Variants in MCTP2 observed in about 807,000 individuals in gnomAD.
MCTP2 encodes the protein multiple C2 and transmembrane domain-containing protein 2.
A neutral mutation model predicts 111.6 loss-of-function variants in MCTP2; 132 were observed. The observed-to-expected ratio is 1.18, with a 90% CI of 1.03 to 1.37. The LOEUF (loss-of-function observed/expected upper bound fraction) is 1.37, where lower values mean the gene tolerates loss of function less well. Ranked by LOEUF, MCTP2 falls within the 40% of genes most tolerant of loss-of-function variation. The probability of loss-of-function intolerance (pLI) is 0.00; values close to 1 mark genes in which losing one functional copy is unlikely to be tolerated. For missense variants in MCTP2, 1,183 were observed against 1,067.9 expected (o/e 1.11, Z -1.50); for synonymous variants, 395 against 387.7 (o/e 1.02, Z -0.22).
At chr15:94,424,226 G>A (rs764773236) in intron 17 of MCTP2, among the ~76,000 whole-genome samples, 15 of 151,964 alleles carry the variant, frequency 9.9e-5, no homozygotes, top group Non-Finnish European at 1.9e-4. Context: ...CCTGTATAGC[G>A]TATAGCTGTA....
At chr15:94,268,184 C>T (rs75991026) in intron 1 of MCTP2, among the ~76,000 whole-genome samples, 56,553 of 131,466 alleles carry the variant, frequency 0.43, 12,120 homozygotes, top group Admixed American at 0.5. Flanking sequence ...TTCTTTCTTT[C>T]TTTTTTTTTT....
intron 14 of MCTP2, among the ~76,000 whole-genome samples, chr15:94,396,913 A>G (rs1305739593): frequency 6.6e-6 from 1 of 152,172 alleles, no homozygotes; most frequent in East Asian, 1.9e-4. Flanking sequence ...AAAATTGCAA[A>G]ATACACACAA....
At chr15:94,457,362 A>G (rs1298630197) in intron 19 of MCTP2, among the ~76,000 whole-genome samples, 1 of 152,232 alleles carries the variant, frequency 6.6e-6, no homozygotes, top group Non-Finnish European at 1.5e-5. Context: ...CATGGTAAAA[A>G]CACATGTAAG....
intron 12 of MCTP2, 52 bp downstream of exon 12, chr15:94,370,232 A>G: frequency 2.7e-6 from 4 of 1,455,960 alleles, no homozygotes; most frequent in Non-Finnish European, 3.8e-6. Flanking sequence ...CCTGCTTTGA[A>G]ACAATCTCCT....
intron 1 of MCTP2, among the ~76,000 whole-genome samples, chr15:94,233,042 A>C (rs1256962619): frequency 6.6e-6 from 1 of 152,206 alleles, no homozygotes; most frequent in Non-Finnish European, 1.5e-5. Flanking sequence ...TTCTGAGTGC[A>C]GAACTCGTAC....
chr15:94,298,954 CCTCTCTCCCT>C (rs1333893161), intron 2 of MCTP2, among the ~76,000 whole-genome samples: 1,083 of 8,086 alleles, frequency 0.13, 77 homozygotes, highest in East Asian at 0.21. Flanking sequence ...TCCCTCTCTC[CCTCTCTCCCT>C]CTCTCCCTCT....
At chr15:94,340,548 T>C (rs1236206222) in intron 6 of MCTP2, among the ~76,000 whole-genome samples, 1 of 152,230 alleles carries the variant, frequency 6.6e-6, no homozygotes, top group Non-Finnish European at 1.5e-5. Context: ...TTCATTAACA[T>C]AACTTAAAAT....
intron 1 of MCTP2, among the ~76,000 whole-genome samples, chr15:94,251,363 G>GTT (rs11337830): frequency 7.5e-5 from 11 of 146,340 alleles, no homozygotes; most frequent in African/African-American, 2.3e-4. Context: ...TACGCATTTT[G>GTT]TTTTTTTTTT....
At chr15:94,445,032 C>T (rs1378194325) in intron 19 of MCTP2, among the ~76,000 whole-genome samples, 1 of 152,194 alleles carries the variant, frequency 6.6e-6, no homozygotes, top group Non-Finnish European at 1.5e-5. Flanking sequence ...GTCTAGTCTA[C>T]CACTGATGTA....
intron 1 of MCTP2, among the ~76,000 whole-genome samples, chr15:94,249,062 T>C (rs925645984): frequency 3.9e-5 from 6 of 152,230 alleles, no homozygotes; most frequent in Non-Finnish European, 8.8e-5. Context: ...GTTCTCTCTC[T>C]GGAGCTTCTG....
intron 14 of MCTP2, among the ~76,000 whole-genome samples, chr15:94,397,935 A>G (rs1253442901): frequency 1.3e-5 from 2 of 152,212 alleles, no homozygotes; most frequent in Non-Finnish European, 2.9e-5. Context: ...CCAAAGTTTA[A>G]TCAGTTACAT....
At chr15:94,449,450 C>A (rs1261186917) in intron 19 of MCTP2, among the ~76,000 whole-genome samples, 5 of 152,164 alleles carry the variant, frequency 3.3e-5, no homozygotes, top group African/African-American at 1.2e-4. Flanking sequence ...TATTTTTGAC[C>A]ATGCTCCGTT....
At position 94,383,998 on chromosome 15, in the gene MCTP2, C is replaced by T. The variant is rs2080305811; in HGVS notation, c.1583-24C>T. On this transcript the variant is annotated intron_variant, in intron 12 of 22. Coordinates refer to ENST00000357742, the MANE Select transcript of MCTP2 (RefSeq NM_001385001.1). ...CCTTTCGAGATTCACTTGTCTTTGA[C>T]CGATGTGTATGTTATCTTTCCAGGG... 5.3e-6 allele frequency: 8 copies of T among 1,521,072 alleles called. No homozygotes were observed. In the Admixed American group the frequency reaches 8.4e-5, roughly 16 times the overall value. 94.2% of individuals were successfully genotyped at this position (1,521,072 alleles called of 1,614,324 possible).
Position 94,479,304 on chromosome 15 carries a change from A to G in MCTP2, c.*270A>G. The G allele has an allele frequency of 2.1e-6, 1 of 480,604 alleles. No homozygotes were observed. Among genetic ancestry groups the G allele is most frequent in the South Asian group, 3.7e-5 (1 of 27,078 alleles). The allele number at this position is 480,604 out of a possible 1,614,324, so 29.8% of individuals were successfully genotyped here. A position where few individuals can be genotyped will look rare whatever the true frequency, so the allele number is the denominator to read the frequency against. On this transcript the variant is annotated 3_prime_UTR_variant, in exon 23 of 23. Transcript: ENST00000357742. ...ACTAACATCCATTCTGAAATAGGAG[A>G]TAACAAGGCTGCCATGGATCTGAAC...
chr15:94,406,442 G>GA (rs553854635), intron 17 of MCTP2, among the ~76,000 whole-genome samples: 185 of 152,288 alleles, frequency 1.2e-3, no homozygotes, highest in African/African-American at 4.1e-3. Flanking sequence ...GTGACACCGG[G>GA]ACCAACCATA....
chr15:94,464,257 T>TTATATATATATATATATA (rs1555481313), intron 20 of MCTP2, among the ~76,000 whole-genome samples: 1 of 44,968 alleles, frequency 2.2e-5, no homozygotes, highest in African/African-American at 6.0e-5. Context: ...TATATATATA[T>TTATATATATATATATATA]TATATATATA....
In MCTP2 at chr15:94,476,806, T is replaced by G; in HGVS notation, c.2568+13T>G. ...TGATGTTCAAAAGGTATGTAATGAA[T>G]GGTTACCACCAACAGTGGCCCCAAC... On this transcript the variant is annotated intron_variant, in intron 22 of 22. Transcript: ENST00000357742. The G allele has an allele frequency of 6.9e-7, 1 of 1,450,216 alleles. No individual in the cohort carries two copies. The highest frequency in any genetic ancestry group is 9.7e-7 in the Non-Finnish European group (1 of 1,031,928). The allele number at this position is 1,450,216 out of a possible 1,614,324, so 89.8% of individuals were successfully genotyped here.
rs148592022 is a variant in MCTP2, at chr15:94,282,568, C to A, written c.-65-15633C>A. On this transcript the variant is annotated intron_variant, in intron 1 of 22. Coordinates refer to ENST00000357742, the MANE Select transcript of MCTP2 (RefSeq NM_001385001.1). ...CAGCCATTTTAGTCTGGTTAAGCAT[C>A]ATTGCTGGAGAGCTAGTGTGGTCAT... Among the ~76,000 whole-genome samples, 1,090 of 152,328 alleles carry A rather than the reference C, an allele frequency of 7.2e-3. 16 individuals carry two copies. The highest frequency in any genetic ancestry group is 0.025 in the African/African-American group (1,024 of 41,582).
intron 19 of MCTP2, among the ~76,000 whole-genome samples, chr15:94,452,081 T>G (rs565304114): frequency 2.8e-4 from 43 of 152,286 alleles, no homozygotes; most frequent in Admixed American, 5.2e-4. Context: ...CTAGTAGATG[T>G]CAGGACCAGA....
Sources: allele counts gnomAD v4.1 joint callset (sites outside exome capture counted in the v4.1 genomes callset), GRCh38; gene constraint gnomAD v4.1.1; transcripts MANE v1.5; gene names NCBI Gene and HGNC (gene_info 2026-07-23, HGNC 2026-07-21).